The following PARD3B variants were observed in gnomAD, a reference collection of about 807,000 sequenced individuals.
PARD3B encodes the protein partitioning defective 3 homolog B.
PARD3B carries 103 observed loss-of-function variants against 130.2 expected under a neutral mutation model. The ratio of observed to expected loss-of-function variants is 0.79; its 90% CI spans 0.67 to 0.93. The LOEUF (loss-of-function observed/expected upper bound fraction) is 0.93. Ranked by LOEUF, PARD3B falls within the 40% of genes least tolerant of loss-of-function variation. PARD3B has a pLI of 0.00. For synonymous variants in PARD3B, 583 were observed against 553.2 expected (o/e 1.05, Z -0.76); for missense variants, 1,609 against 1,499.2 (o/e 1.07, Z -1.21).
chr2:205,294,706 T>G (rs1198133601), intron 16 of PARD3B, among the ~76,000 whole-genome samples: 1 of 152,164 alleles, frequency 6.6e-6, no homozygotes, highest in Non-Finnish European at 1.5e-5. Flanking sequence ...CATTTTGATG[T>G]GAATTTCAGG....
At chr2:205,559,197 G>A (rs1470246459) in intron 22 of PARD3B, among the ~76,000 whole-genome samples, 2 of 152,188 alleles carry the variant, frequency 1.3e-5, no homozygotes, top group Admixed American at 6.5e-5. Context: ...CCACGTTGGA[G>A]TACAGTGGTA....
chr2:205,554,638 A>G (rs147867810), intron 22 of PARD3B, among the ~76,000 whole-genome samples: 21 of 152,216 alleles, frequency 1.4e-4, no homozygotes, highest in Admixed American at 7.2e-4. Context: ...CTCAGTATCT[A>G]TGGGTTTCAC....
At chr2:205,501,769 A>G (rs2050166877) in intron 21 of PARD3B, among the ~76,000 whole-genome samples, 1 of 152,192 alleles carries the variant, frequency 6.6e-6, no homozygotes, top group Admixed American at 6.6e-5. Context: ...CTTAACTTTC[A>G]AGAGACTTGA....
intron 1 of PARD3B, among the ~76,000 whole-genome samples, chr2:204,565,766 C>G (rs997785729): frequency 6.6e-6 from 1 of 152,114 alleles, no homozygotes; most frequent in Admixed American, 6.6e-5. Context: ...CAGTCATTCC[C>G]TTCAAGCAAA....
intron 18 of PARD3B, among the ~76,000 whole-genome samples, chr2:205,380,979 A>AATATATAATG: frequency 1.2e-5 from 1 of 83,524 alleles, no homozygotes; most frequent in African/African-American, 4.3e-5. Flanking sequence ...AGAATATATT[A>AATATATAATG]TATATAATAT....
rs932751756 is a variant in PARD3B, at chr2:204,880,882, A to G, written c.223-84270A>G. Among the ~76,000 whole-genome samples, 3 of 152,058 alleles carry G rather than the reference A, an allele frequency of 2.0e-5. No homozygotes were observed. The South Asian group carries it at 6.2e-4, about 32-fold the overall frequency. Reference sequence around the variant, plus strand: ...ACATCCTGCAATTATATTAGAACAAACGTGCTACAGTGTTTCTGTTTATAT... The same window carrying G: ...ACATCCTGCAATTATATTAGAACAAGCGTGCTACAGTGTTTCTGTTTATAT... On this transcript the variant is annotated intron_variant, in intron 2 of 22. Transcript: ENST00000406610.
intron 2 of PARD3B, among the ~76,000 whole-genome samples, chr2:204,813,716 A>AT (rs978804126): frequency 2.6e-5 from 4 of 151,778 alleles, no homozygotes. Flanking sequence ...GTTCAAGTTT[A>AT]TTTTTTTTAC....
At chr2:204,665,100 T>G (rs1289987846) in intron 1 of PARD3B, among the ~76,000 whole-genome samples, 1 of 151,904 alleles carries the variant, frequency 6.6e-6, no homozygotes, top group Non-Finnish European at 1.5e-5. Context: ...GCTATGATTT[T>G]CTTGTTTTTG....
chr2:204,946,527 G>C (rs994022859), intron 2 of PARD3B, among the ~76,000 whole-genome samples: 1 of 152,012 alleles, frequency 6.6e-6, no homozygotes, highest in Non-Finnish European at 1.5e-5. Context: ...CTATGTAATT[G>C]TAGGGAACAC....
chr2:204,835,469 C>G (rs1199740522), intron 2 of PARD3B, among the ~76,000 whole-genome samples: 1 of 152,150 alleles, frequency 6.6e-6, no homozygotes, highest in African/African-American at 2.4e-5. Context: ...CTCTCCTCCC[C>G]TCTCCTTATG....
intron 1 of PARD3B, among the ~76,000 whole-genome samples, chr2:204,657,035 T>C (rs1440531017): frequency 1.3e-5 from 2 of 152,220 alleles, no homozygotes; most frequent in African/African-American, 4.8e-5. Context: ...CTGCTGCTTC[T>C]TGGGGACCTG....
At chr2:205,157,208 G>A (rs1312199071) in intron 10 of PARD3B, among the ~76,000 whole-genome samples, 2 of 152,058 alleles carry the variant, frequency 1.3e-5, no homozygotes, top group African/African-American at 4.8e-5. Context: ...GAAATGTTAT[G>A]GATTCTAAAT....
rs1234888186 is a variant in PARD3B at position 205,015,757 on chromosome 2, T to C, written c.395-31824T>C. ...TTACTTAGTTTTGAACAATTGGCCC[T>C]ATTTGACTTTGCATGCCCAGGCCTC... On this transcript the variant is annotated intron_variant, in intron 3 of 22. Coordinates refer to ENST00000406610, the MANE Select transcript of PARD3B (RefSeq NM_001302769.2). This position sits in a 1 kb window ranked among gnomAD's most constrained non-coding sequence, Gnocchi z 4.5. Among the ~76,000 whole-genome samples, 1 of 152,236 alleles carries C rather than the reference T, an allele frequency of 6.6e-6. No individual in the cohort carries two copies. Among genetic ancestry groups the C allele is most frequent in the African/African-American group, 2.4e-5 (1 of 41,476 alleles).
intron 2 of PARD3B, among the ~76,000 whole-genome samples, chr2:204,884,110 G>T (rs2046182748): frequency 6.6e-6 from 1 of 152,138 alleles, no homozygotes; most frequent in Admixed American, 6.5e-5. Context: ...TTAAAGTGAG[G>T]CTTCTTCACC....
At chr2:204,718,651 T>A (rs2038853690) in intron 2 of PARD3B, among the ~76,000 whole-genome samples, 1 of 152,186 alleles carries the variant, frequency 6.6e-6, no homozygotes, top group African/African-American at 2.4e-5. Flanking sequence ...ATCCTCAACA[T>A]TGTTATGACT....
At chr2:204,959,650 T>C (rs1361613689) in intron 2 of PARD3B, among the ~76,000 whole-genome samples, 1 of 152,188 alleles carries the variant, frequency 6.6e-6, no homozygotes, top group East Asian at 1.9e-4. Flanking sequence ...CTTTTTATCT[T>C]TACAAGGTAA....
rs568996189 is a variant in PARD3B at position 204,571,500 on chromosome 2, A to T, written c.120+25381A>T. Among the ~76,000 whole-genome samples, 33 of 152,332 alleles carry T rather than the reference A, an allele frequency of 2.2e-4. 3 individuals carry two copies. In the South Asian group the frequency reaches 6.8e-3, roughly 32 times the overall value. ...AATTAACTGTGTGTATGTCCATGCA[A>T]ACAATTTCTGAGCTCTAAGTTTCTC... is the stretch of plus-strand genomic sequence containing the variant. On this transcript the variant is annotated intron_variant, in intron 1 of 22. Transcript: ENST00000406610.
chr2:205,433,810 C>A (rs1230689118), intron 19 of PARD3B, among the ~76,000 whole-genome samples: 1 of 152,092 alleles, frequency 6.6e-6, no homozygotes, highest in Non-Finnish European at 1.5e-5. Context: ...TAAGATTCAT[C>A]CCTGCTGTTG....
chr2:205,525,435 A>G lies in PARD3B; in HGVS notation c.3180+25404A>G, dbSNP rs2051293547. Among the ~76,000 whole-genome samples the G allele has an allele frequency of 6.6e-6, 1 of 152,190 alleles. No individual in the cohort carries two copies. The highest frequency in any genetic ancestry group is 1.5e-5 in the Non-Finnish European group (1 of 68,032). On this transcript the variant is annotated intron_variant, in intron 21 of 22. Coordinates refer to ENST00000406610, the MANE Select transcript of PARD3B (RefSeq NM_001302769.2). This position sits in a 1 kb window ranked among gnomAD's most constrained non-coding sequence, Gnocchi z 4.2. ...ATTGAAGATGTAAAAAATAATTACA[A>G]TATAATGCTGGGTGTTATGTATGCA...
Sources: gnomAD v4.1 joint callset for allele counts (sites outside exome capture counted in the v4.1 genomes callset) on GRCh38, gnomAD v4.1.1 for gene constraint, Gnocchi (gnomAD v3.1) non-coding constraint, MANE v1.5 for transcripts, NCBI Gene and HGNC (gene_info 2026-07-23, HGNC 2026-07-21) for gene names.